MACROD2: variants seen among roughly 807,000 people sequenced by gnomAD.
The protein encoded by MACROD2 is mono-ADP ribosylhydrolase 2, also known as ADP-ribose glycohydrolase MACROD2.
In MACROD2, 36 loss-of-function variants were observed where a neutral mutation model predicts 70.4. That is an observed-to-expected ratio of 0.51 (90% confidence interval 0.39 to 0.68). MACROD2 has a LOEUF of 0.68. MACROD2 is among the 30% of genes least tolerant of loss of function. MACROD2 has a pLI of 0.00. For synonymous variants in MACROD2, 172 were observed against 178.8 expected (o/e 0.96, Z 0.30); for missense variants, 496 against 538.4 (o/e 0.92, Z 0.78).
At chr20:14,551,640 C>T (rs1220444182) in intron 4 of MACROD2, among the ~76,000 whole-genome samples, 1 of 152,112 alleles carries the variant, frequency 6.6e-6, no homozygotes, top group Admixed American at 6.6e-5. Flanking sequence ...GGGAAAACTT[C>T]CCTGCACAAC....
At chr20:14,529,546 A>G (rs765946502) in intron 4 of MACROD2, among the ~76,000 whole-genome samples, 7 of 152,172 alleles carry the variant, frequency 4.6e-5, no homozygotes, top group Non-Finnish European at 8.8e-5. Flanking sequence ...CACACCTCCA[A>G]TAAAACTTTC....
chr20:15,924,798 A>C (rs538720076), intron 10 of MACROD2, among the ~76,000 whole-genome samples: 6 of 152,346 alleles, frequency 3.9e-5, no homozygotes, highest in Non-Finnish European at 7.3e-5. Context: ...AAAAAAGCAA[A>C]GAAAAAAAAT....
At chr20:15,354,110 T>A (rs373641515) in intron 6 of MACROD2, among the ~76,000 whole-genome samples, 17 of 148,404 alleles carry the variant, frequency 1.1e-4, no homozygotes, top group Non-Finnish European at 2.1e-4. Context: ...CAAATGTCCA[T>A]CAATGATAGA....
At chr20:15,308,598 C>G (rs1361842611) in intron 6 of MACROD2, among the ~76,000 whole-genome samples, 1 of 152,198 alleles carries the variant, frequency 6.6e-6, no homozygotes, top group African/African-American at 2.4e-5. Context: ...GGAATTTACA[C>G]TCTTTTAATG....
At position 14,214,861 on chromosome 20, in the gene MACROD2, T is replaced by C. The variant is rs537430241; in HGVS notation, c.271+129133T>C. 7.2e-5 allele frequency among the ~76,000 whole-genome samples: 11 copies of C among 152,032 alleles called. No homozygotes were observed. In the East Asian group the frequency reaches 2.1e-3, roughly 29 times the overall value. ...CAGTGAGAACATATGATGTTTGGTTTTCCATTCCTGAGTTACTTCACTTAG... is the reference window on the plus strand; with the variant it reads ...CAGTGAGAACATATGATGTTTGGTTCTCCATTCCTGAGTTACTTCACTTAG... On this transcript the variant is annotated intron_variant, in intron 3 of 17. Transcript: ENST00000684519.
chr20:14,545,035 AGAT>A (rs1018993964), intron 4 of MACROD2, among the ~76,000 whole-genome samples: 12 of 152,198 alleles, frequency 7.9e-5, no homozygotes, highest in Non-Finnish European at 1.5e-4. Context: ...GTATCTGTCC[AGAT>A]GATGATGATG....
At chr20:15,051,338 ATGTGTGTGTGTGTGTGTG>A (rs6147297) in intron 5 of MACROD2, among the ~76,000 whole-genome samples, 7,018 of 129,378 alleles carry the variant, frequency 0.054, 443 homozygotes, top group East Asian at 0.15. Context: ...TCAGTAGGAG[ATGTGTGTGTGTGTGTGTG>A]TGTGTGTGTG....
chr20:15,741,066 G>T (rs930609787), intron 8 of MACROD2, among the ~76,000 whole-genome samples: 4 of 150,806 alleles, frequency 2.7e-5, no homozygotes, highest in African/African-American at 9.8e-5. Context: ...CCTTGCAATG[G>T]TCTACAAAAC....
At chr20:14,898,878 A>G (rs1020913563) in intron 5 of MACROD2, among the ~76,000 whole-genome samples, 22 of 152,176 alleles carry the variant, frequency 1.4e-4, no homozygotes, top group African/African-American at 5.3e-4. Flanking sequence ...AAGTAGTATC[A>G]TTGTTGGACA....
At chr20:15,426,816 T>G (rs984401132) in intron 6 of MACROD2, among the ~76,000 whole-genome samples, 3 of 152,190 alleles carry the variant, frequency 2.0e-5, no homozygotes, top group Admixed American at 6.5e-5. Context: ...GTACAATTTA[T>G]CATTCCTCCA....
Position 14,533,252 on chromosome 20 carries a change from C to T in MACROD2, c.301+39744C>T, listed in dbSNP as rs144481602. On this transcript the variant is annotated intron_variant, in intron 4 of 17. Transcript: ENST00000684519. ...TTATTTCTGCTTTCTTTAGCAATTT[C>T]TGTCTATAAAGTCAACACCTGCTGC... 9.2e-3 allele frequency among the ~76,000 whole-genome samples: 1,408 copies of T among 152,310 alleles called. 25 individuals carry two copies. The highest frequency in any genetic ancestry group is 0.032 in the African/African-American group (1,319 of 41,562).
intron 15 of MACROD2, among the ~76,000 whole-genome samples, chr20:15,991,638 C>G (rs2066560433): frequency 6.6e-6 from 1 of 152,198 alleles, no homozygotes; most frequent in African/African-American, 2.4e-5. Context: ...GAGTAACAAA[C>G]TTACTGGAAC....
intron 5 of MACROD2, among the ~76,000 whole-genome samples, chr20:15,180,355 G>T (rs1368345842): frequency 6.6e-6 from 1 of 152,228 alleles, no homozygotes; most frequent in African/African-American, 2.4e-5. Context: ...TAGAAATTTA[G>T]ATGGGGTATA....
intron 6 of MACROD2, among the ~76,000 whole-genome samples, chr20:15,267,185 C>T (rs1358519877): frequency 1.3e-5 from 2 of 152,128 alleles, no homozygotes; most frequent in African/African-American, 4.8e-5. Flanking sequence ...CTCTGCATCC[C>T]CACTCCAACT....
intron 5 of MACROD2, among the ~76,000 whole-genome samples, chr20:14,917,098 C>A (rs962189439): frequency 6.6e-6 from 1 of 151,394 alleles, no homozygotes; most frequent in African/African-American, 2.4e-5. Context: ...GCCAAGTCTC[C>A]TGTCCTTTCC....
rs952254326 is a variant in MACROD2 at position 15,980,509 on chromosome 20, A to G, written c.986-6218A>G. Among the ~76,000 whole-genome samples the G allele has an allele frequency of 5.9e-5, 9 of 152,188 alleles. No homozygotes were observed. The South Asian group carries it at 1.7e-3, about 28-fold the overall frequency. On this transcript the variant is annotated intron_variant, in intron 13 of 17. Coordinates refer to ENST00000684519, the MANE Select transcript of MACROD2 (RefSeq NM_001351661.2). ...TAGCGATGAAGATTTTTTATCATTT[A>G]AAGAAGCACAGGTAGCAAACAAGGG... is the stretch of plus-strand genomic sequence containing the variant.
chr20:14,948,309 A>G (rs945802373), intron 5 of MACROD2, among the ~76,000 whole-genome samples: 1 of 152,196 alleles, frequency 6.6e-6, no homozygotes, highest in Non-Finnish European at 1.5e-5. Context: ...ATTTCTTCAC[A>G]CTTAACTGAA....
intron 5 of MACROD2, among the ~76,000 whole-genome samples, chr20:15,129,162 A>G (rs950097387): frequency 2.0e-5 from 3 of 152,042 alleles, no homozygotes; most frequent in Non-Finnish European, 4.4e-5. Context: ...AATGTAACAT[A>G]ATTTATTTTG....
At chr20:14,098,828 A>G (rs2054263529) in intron 3 of MACROD2, among the ~76,000 whole-genome samples, 1 of 152,214 alleles carries the variant, frequency 6.6e-6, no homozygotes, top group Non-Finnish European at 1.5e-5. Context: ...AAGTCATCAA[A>G]GTCAAAAGTC....
Sources: gnomAD v4.1 joint callset for allele counts (sites outside exome capture counted in the v4.1 genomes callset) on GRCh38, gnomAD v4.1.1 for gene constraint, MANE v1.5 for transcripts, NCBI Gene and HGNC (gene_info 2026-07-23, HGNC 2026-07-21) for gene names.